The following RASGEF1A variants were observed in gnomAD, a reference collection of about 807,000 sequenced individuals.
The protein encoded by RASGEF1A is ras-GEF domain-containing family member 1A.
Under a neutral mutation model 56.4 loss-of-function variants are expected in RASGEF1A, and 18 were observed. That is an observed-to-expected ratio of 0.32 (90% CI 0.22 to 0.47). The LOEUF is 0.47. Among genes scored for constraint, RASGEF1A ranks in the 20% least tolerant of loss-of-function variants. The pLI, the probability that RASGEF1A is intolerant of heterozygous loss-of-function variation, is 1.00. For missense variants in RASGEF1A, 422 were observed against 627.1 expected, an observed-to-expected ratio of 0.67 and a Z score of 3.49; for synonymous variants, 245 against 242.6, an observed-to-expected ratio of 1.01 and a Z score of -0.09.
intron 1 of RASGEF1A, among the ~76,000 whole-genome samples, chr10:43,213,050 C>G (rs111896727): frequency 0.056 from 8,557 of 152,218 alleles, 625 homozygotes; most frequent in African/African-American, 0.17. Flanking sequence ...AAACCTTGCT[C>G]TCATGGAGGT....
chr10:43,236,866 G>A (rs1840437443), intron 1 of RASGEF1A, among the ~76,000 whole-genome samples: 1 of 152,182 alleles, frequency 6.6e-6, no homozygotes, highest in East Asian at 1.9e-4. Flanking sequence ...ATCACCTGGT[G>A]TGTAGGGGAC....
chr10:43,255,805 T>C (rs1253642628), intron 1 of RASGEF1A, among the ~76,000 whole-genome samples: 1 of 152,074 alleles, frequency 6.6e-6, no homozygotes, highest in Non-Finnish European at 1.5e-5. Context: ...GTGGTGGGTG[T>C]GTGGCCATTC....
At position 43,257,207 on chromosome 10, in the gene RASGEF1A, C is replaced by A. The variant is rs1003295530; in HGVS notation, c.-7+9638G>T. Among the ~76,000 whole-genome samples, 31 of 152,192 alleles carry A rather than the reference C, an allele frequency of 2.0e-4. 1 individual carries two copies. ...CAGAGGTCACAGCAAGAGGGAGGAGCCATGAGGCCTGGGTTCACACCCTGG... is the reference window on the plus strand; with the variant it reads ...CAGAGGTCACAGCAAGAGGGAGGAGACATGAGGCCTGGGTTCACACCCTGG... On this transcript the variant is annotated intron_variant, in intron 1 of 12. Coordinates refer to ENST00000395810, the MANE Select transcript of RASGEF1A (RefSeq NM_145313.4).
intron 1 of RASGEF1A, chr10:43,208,102 CTG>C (rs1840021406): frequency 2.0e-6 from 2 of 985,494 alleles, no homozygotes; most frequent in Non-Finnish European, 2.4e-6. Context: ...CTGCTCAGCA[CTG>C]TCTCAGGCAT....
intron 1 of RASGEF1A, among the ~76,000 whole-genome samples, chr10:43,263,058 C>T (rs980415010): frequency 3.3e-5 from 5 of 152,074 alleles, no homozygotes; most frequent in African/African-American, 7.2e-5. Flanking sequence ...ACCCGGGAGG[C>T]GTCCAGCAGG....
chr10:43,229,340 A>G (rs1840327754), intron 1 of RASGEF1A, among the ~76,000 whole-genome samples: 2 of 151,964 alleles, frequency 1.3e-5, no homozygotes, highest in Admixed American at 6.5e-5. Flanking sequence ...TGCGCCCCTC[A>G]AGTCGTCCGG....
At chr10:43,201,590 G>A (rs890822097) in intron 4 of RASGEF1A, among the ~76,000 whole-genome samples, 7 of 152,224 alleles carry the variant, frequency 4.6e-5, no homozygotes, top group Non-Finnish European at 8.8e-5. Context: ...GGGCTGCAAG[G>A]TCCCTGCTTG....
chr10:43,196,374 A>T lies in RASGEF1A; in HGVS notation c.1421+102T>A. On this transcript the variant is annotated intron_variant, in intron 12 of 12. Transcript: ENST00000395810. The surrounding 1 kb of genome is among the most constrained non-coding windows in gnomAD (Gnocchi z 4.6). Reference sequence around the variant, plus strand: ...ATGCACCAGGGACCCTGGACCAGGGACGCGGCAGTGCCCAGGCTCCCTTTC... The same window carrying T: ...ATGCACCAGGGACCCTGGACCAGGGTCGCGGCAGTGCCCAGGCTCCCTTTC... 1.3e-6 allele frequency: 2 copies of T among 1,555,656 alleles called. No homozygotes were observed. Among genetic ancestry groups the T allele is most frequent in the South Asian group, 2.2e-5 (2 of 89,772 alleles).
chr10:43,255,474 G>A (rs934678243), intron 1 of RASGEF1A, among the ~76,000 whole-genome samples: 3 of 152,148 alleles, frequency 2.0e-5, no homozygotes, highest in Non-Finnish European at 4.4e-5. Flanking sequence ...CTCTTAGGCT[G>A]CAAGCTCTGG....
At chr10:43,202,584 G>T in intron 3 of RASGEF1A, 1 of 462,030 alleles carries the variant, frequency 2.2e-6, no homozygotes. Flanking sequence ...AGCCCCTCCT[G>T]CGCCAGCCAA....
intron 1 of RASGEF1A, among the ~76,000 whole-genome samples, chr10:43,242,803 G>A (rs1840517969): frequency 6.6e-6 from 1 of 152,120 alleles, no homozygotes; most frequent in Admixed American, 6.5e-5. Context: ...GAGGTGCTGG[G>A]ATTGCAGATG....
At chr10:43,257,896 T>C (rs1165053406) in intron 1 of RASGEF1A, among the ~76,000 whole-genome samples, 1 of 152,198 alleles carries the variant, frequency 6.6e-6, no homozygotes, top group Non-Finnish European at 1.5e-5. Flanking sequence ...AGGCAGCCAG[T>C]GCTCTGGCCG....
chr10:43,205,961 G>T lies in RASGEF1A; in HGVS notation c.156C>A (p.Ala52=). ...DGHLISGSLE[A]LMEHLVPTVD... ...CCGTGGGAACAAGGTGCTCCATCAG[G>T]GCCTCCAGGGACCCAGAGATGAGGT... The change falls in exon 2 of 13, where the codon GCC becomes GCA. Residue 52 remains alanine, a synonymous_variant. Coordinates refer to ENST00000395810, the MANE Select transcript of RASGEF1A (RefSeq NM_145313.4). The T allele has an allele frequency of 6.2e-7, 1 of 1,613,290 alleles. No homozygotes were observed. The highest frequency in any genetic ancestry group is 8.5e-7 in the Non-Finnish European group (1 of 1,179,998).
At chr10:43,246,573 C>A (rs138454599) in intron 1 of RASGEF1A, among the ~76,000 whole-genome samples, 2 of 152,242 alleles carry the variant, frequency 1.3e-5, no homozygotes, top group East Asian at 3.9e-4. Context: ...AAAAATAGAC[C>A]TATAAATCAA....
intron 1 of RASGEF1A, among the ~76,000 whole-genome samples, chr10:43,225,420 T>C (rs1588940766): frequency 6.6e-6 from 1 of 151,938 alleles, no homozygotes; most frequent in East Asian, 1.9e-4. Flanking sequence ...CATGTGTCTC[T>C]GTGTCTGTGT....
chr10:43,207,992 A>G (rs1840019626), intron 1 of RASGEF1A: 1 of 954,292 alleles, frequency 1.0e-6, no homozygotes, highest in East Asian at 1.2e-4. Flanking sequence ...TGGCTGTATC[A>G]TTCACCTGTG....
At chr10:43,202,532 C>T (rs1468161153) in intron 3 of RASGEF1A, 3 of 452,378 alleles carry the variant, frequency 6.6e-6, no homozygotes, top group Non-Finnish European at 1.3e-5. Flanking sequence ...GCTCAGGCGC[C>T]GCGCCCCCAT....
At chr10:43,209,507 C>T (rs1380793201) in intron 1 of RASGEF1A, among the ~76,000 whole-genome samples, 1 of 152,230 alleles carries the variant, frequency 6.6e-6, no homozygotes, top group African/African-American at 2.4e-5. Flanking sequence ...CAGAGGTTTG[C>T]AGGGAAGATC....
At position 43,196,465 on chromosome 10, in the gene RASGEF1A, C is replaced by T. The variant is rs1879317; in HGVS notation, c.1421+11G>A. The T allele has an allele frequency of 1.8e-3, 2,972 of 1,612,962 alleles. 52 individuals are homozygous for T. The African/African-American group carries it at 0.034, about 18-fold the overall frequency. On this transcript the variant is annotated intron_variant, in intron 12 of 12. Transcript: ENST00000395810. This position sits in a 1 kb window ranked among gnomAD's most constrained non-coding sequence, Gnocchi z 4.6. ...TCCTTACAGACTCCCATGTTCCTGA[C>T]GCCCTCCTACCTGAGGGTCTTCCAG...
Sources: gnomAD v4.1 joint callset for allele counts (sites outside exome capture counted in the v4.1 genomes callset) on GRCh38, gnomAD v4.1.1 for gene constraint, Gnocchi (gnomAD v3.1) non-coding constraint, MANE v1.5 for transcripts, NCBI Gene and HGNC (gene_info 2026-07-23, HGNC 2026-07-21) for gene names.